ZNF385D: variants seen among roughly 807,000 people sequenced by gnomAD.
ZNF385D encodes zinc finger protein 659.
A neutral mutation model predicts 35.8 loss-of-function variants in ZNF385D; 15 were observed. The observed-to-expected ratio is 0.42, with a 90% CI of 0.28 to 0.64. ZNF385D has a LOEUF of 0.64. Ranked by LOEUF, ZNF385D falls within the 30% of genes least tolerant of loss-of-function variation. The probability of loss-of-function intolerance (pLI) is 0.23; values close to 1 mark genes in which losing one functional copy is unlikely to be tolerated. For missense variants in ZNF385D, 474 were observed against 494.6 expected, an observed-to-expected ratio of 0.96 and a Z score of 0.39; for synonymous variants, 212 against 186.8, an observed-to-expected ratio of 1.13 and a Z score of -1.10.
At chr3:21,582,868 C>G (rs2063708193) in intron 2 of ZNF385D, among the ~76,000 whole-genome samples, 1 of 152,238 alleles carries the variant, frequency 6.6e-6, no homozygotes, top group African/African-American at 2.4e-5. Context: ...ACCTCCACCT[C>G]CTAGGTTCAA....
chr3:22,198,204 A>G (rs551184043), intron 2 of ZNF385D, among the ~76,000 whole-genome samples: 2 of 152,120 alleles, frequency 1.3e-5, no homozygotes, highest in African/African-American at 2.4e-5. Flanking sequence ...TAGTAGCTGG[A>G]TTTGGCAGGT....
At chr3:22,120,493 A>G (rs1703036024) in intron 3 of ZNF385D, among the ~76,000 whole-genome samples, 1 of 152,142 alleles carries the variant, frequency 6.6e-6, no homozygotes, top group Non-Finnish European at 1.5e-5. Flanking sequence ...ACTGGGGATT[A>G]GGGCTTCAAC....
At chr3:22,366,843 G>A (rs943089607) in intron 2 of ZNF385D, among the ~76,000 whole-genome samples, 6 of 152,136 alleles carry the variant, frequency 3.9e-5, no homozygotes, top group African/African-American at 4.8e-5. Flanking sequence ...GAGAAACAAA[G>A]AGAGATCAGA....
At chr3:22,209,354 G>T (rs1434336266) in intron 2 of ZNF385D, among the ~76,000 whole-genome samples, 1 of 151,932 alleles carries the variant, frequency 6.6e-6, no homozygotes, top group Admixed American at 6.6e-5. Context: ...AAAGTGAGTG[G>T]CGAATACAAT....
At chr3:21,974,038 A>T (rs1703440345) in intron 3 of ZNF385D, among the ~76,000 whole-genome samples, 1 of 152,074 alleles carries the variant, frequency 6.6e-6, no homozygotes, top group African/African-American at 2.4e-5. Context: ...TCAAAATACC[A>T]ATAACATTCT....
At chr3:22,020,718 G>C (rs1697171299) in intron 3 of ZNF385D, among the ~76,000 whole-genome samples, 1 of 152,002 alleles carries the variant, frequency 6.6e-6, no homozygotes, top group East Asian at 1.9e-4. Flanking sequence ...GCAGTATGGA[G>C]ATTTCTCCAA....
intron 3 of ZNF385D, among the ~76,000 whole-genome samples, chr3:21,965,282 T>A (rs1304281833): frequency 6.6e-6 from 1 of 152,118 alleles, no homozygotes; most frequent in Non-Finnish European, 1.5e-5. Context: ...ATAATATGCA[T>A]CAAATGAATG....
rs1295833843 is a variant in ZNF385D, at chr3:21,412,515, G to C, written c.*8699C>G. The C allele has an allele frequency of 6.6e-6, 1 of 152,036 alleles. No homozygotes were observed. The highest frequency in any genetic ancestry group is 1.5e-5 in the Non-Finnish European group (1 of 67,978). 9.4% of individuals were successfully genotyped at this position (152,036 alleles called of 1,614,324 possible). On this transcript the variant is annotated 3_prime_UTR_variant, in exon 8 of 8. Transcript: ENST00000281523. ...TTGCCTATGGATTATCTACAGAAGA[G>C]AGGAAAATAAGCAACCATTTTGATT...
At chr3:22,077,873 C>A (rs868589804) in intron 3 of ZNF385D, among the ~76,000 whole-genome samples, 1 of 151,854 alleles carries the variant, frequency 6.6e-6, no homozygotes, top group Non-Finnish European at 1.5e-5. Flanking sequence ...GTGAGACACC[C>A]CCCACTCCAC....
chr3:21,730,440 T>A, intron 1 of ZNF385D, among the ~76,000 whole-genome samples: 1 of 152,184 alleles, frequency 6.6e-6, no homozygotes, highest in East Asian at 1.9e-4. Context: ...AATGCAGAGA[T>A]ATCCAAACAA....
chr3:22,071,899 G>A (rs1247696974), intron 3 of ZNF385D, among the ~76,000 whole-genome samples: 4 of 152,104 alleles, frequency 2.6e-5, no homozygotes, highest in East Asian at 1.9e-4. Context: ...CTGTCTTGAC[G>A]TAAATCAAAG....
At chr3:22,273,245 T>C (rs561086601) in intron 2 of ZNF385D, among the ~76,000 whole-genome samples, 1 of 152,150 alleles carries the variant, frequency 6.6e-6, no homozygotes, top group Admixed American at 6.6e-5. Context: ...TATTGATAGC[T>C]TTATCTGTAG....
intron 2 of ZNF385D, among the ~76,000 whole-genome samples, chr3:21,647,364 C>A (rs978402480): frequency 2.0e-5 from 3 of 151,148 alleles, no homozygotes; most frequent in African/African-American, 7.3e-5. Context: ...CTCCCTCCCC[C>A]TCTCCCTTCC....
intron 3 of ZNF385D, among the ~76,000 whole-genome samples, chr3:21,917,664 G>A (rs571194147): frequency 6.6e-6 from 1 of 152,164 alleles, no homozygotes; most frequent in Admixed American, 6.5e-5. Flanking sequence ...ATATACACAG[G>A]AACAGAAAAA....
At chr3:22,283,198 C>T (rs1701854125) in intron 2 of ZNF385D, among the ~76,000 whole-genome samples, 1 of 151,960 alleles carries the variant, frequency 6.6e-6, no homozygotes, top group African/African-American at 2.4e-5. Flanking sequence ...TACTACTAGA[C>T]CTAAGAAATG....
intron 3 of ZNF385D, among the ~76,000 whole-genome samples, chr3:22,090,051 G>A (rs1435736736): frequency 6.6e-6 from 1 of 152,080 alleles, no homozygotes; most frequent in Non-Finnish European, 1.5e-5. Context: ...TGTTGGCCAG[G>A]ATGGTCTTGA....
intron 4 of ZNF385D, among the ~76,000 whole-genome samples, chr3:21,480,426 T>G (rs2125374622): frequency 6.6e-6 from 1 of 152,156 alleles, no homozygotes; most frequent in South Asian, 2.1e-4. Context: ...AAAGATAAAC[T>G]TCTCACTTGT....
At chr3:22,151,314 G>A (rs1429660916) in intron 3 of ZNF385D, among the ~76,000 whole-genome samples, 1 of 152,114 alleles carries the variant, frequency 6.6e-6, no homozygotes, top group Non-Finnish European at 1.5e-5. Flanking sequence ...CAGAGAAAGA[G>A]AGAAAGAAAA....
chr3:21,910,177 C>T (rs1699894752), intron 3 of ZNF385D, among the ~76,000 whole-genome samples: 1 of 151,886 alleles, frequency 6.6e-6, no homozygotes, highest in African/African-American at 2.4e-5. Flanking sequence ...ATTGCACCGT[C>T]ATCCAATAGC....
Sources: gnomAD v4.1 joint callset for allele counts (sites outside exome capture counted in the v4.1 genomes callset) on GRCh38, gnomAD v4.1.1 for gene constraint, MANE v1.5 for transcripts, NCBI Gene and HGNC (gene_info 2026-07-23, HGNC 2026-07-21) for gene names.